EFTUD2: variants seen among roughly 807,000 people sequenced by gnomAD.
EFTUD2 encodes the protein 116 kDa U5 small nuclear ribonucleoprotein component.
EFTUD2 carries 9 observed loss-of-function variants against 114.3 expected under a neutral mutation model. The ratio of observed to expected loss-of-function variants is 0.08; its 90% CI spans 0.05 to 0.14. The LOEUF (loss-of-function observed/expected upper bound fraction) is 0.14. Among genes scored for constraint, EFTUD2 ranks in the 10% least tolerant of loss-of-function variants. The probability of loss-of-function intolerance (pLI) is 1.00; values close to 1 mark genes in which losing one functional copy is unlikely to be tolerated. For synonymous variants in EFTUD2, 449 were observed against 462.3 expected (o/e 0.97, Z 0.37); for missense variants, 765 against 1,241.2 (o/e 0.62, Z 5.76).
Position 44,857,045 on chromosome 17 carries a change from A to T in EFTUD2, c.2045+30T>A, listed in dbSNP as rs768525340. The T allele has an allele frequency of 5.0e-6, 8 of 1,584,846 alleles. No individual in the cohort carries two copies. The African/African-American group carries it at 9.4e-5, about 19-fold the overall frequency. ...GGAGAGAGAGTGTCCAGGAGGCTGC[A>T]GTCCCAGGGACACTGTGCTCCCAGC... On this transcript the variant is annotated intron_variant, in intron 20 of 27. Coordinates refer to ENST00000426333, the MANE Select transcript of EFTUD2 (RefSeq NM_004247.4).
Position 44,854,542 on chromosome 17 carries a change from C to A in EFTUD2, c.2259+14G>T. 1 of 1,610,650 alleles carries A rather than the reference C, an allele frequency of 6.2e-7. No homozygotes were observed. The highest frequency in any genetic ancestry group is 1.1e-5 in the South Asian group (1 of 90,694). On this transcript the variant is annotated intron_variant, in intron 22 of 27. Coordinates refer to ENST00000426333, the MANE Select transcript of EFTUD2 (RefSeq NM_004247.4). The surrounding 1 kb of genome is among the most constrained non-coding windows in gnomAD (Gnocchi z 4.3). ...TAAGAGACCGCCACCCAGTTCCCAT[C>A]AGTTCTGCTGTACCTCAGAGGGCAG...
intron 17 of EFTUD2, 23 bp downstream of exon 17, chr17:44,860,409 G>T: frequency 6.4e-7 from 1 of 1,564,172 alleles, no homozygotes; most frequent in Non-Finnish European, 8.8e-7. Context: ...AGCCAACCCA[G>T]TTGGTCTCTT....
chr17:44,895,351 C>T (rs2051360784), intron 1 of EFTUD2, among the ~76,000 whole-genome samples: 1 of 152,170 alleles, frequency 6.6e-6, no homozygotes, highest in East Asian at 1.9e-4. Context: ...CAAAAATTAG[C>T]TGGGTACGGT....
At chr17:44,859,460 A>G in intron 18 of EFTUD2, 2 of 536,404 alleles carry the variant, frequency 3.7e-6, no homozygotes, top group Non-Finnish European at 3.4e-6. Flanking sequence ...ACCCATGGAC[A>G]TAAGCTAGCC....
rs368215462 is a variant in EFTUD2, at chr17:44,857,125, C to T, written c.1995G>A (p.Thr665=). 6.3e-5 allele frequency: 101 copies of T among 1,613,928 alleles called. 1 individual carries two copies. Among genetic ancestry groups the T allele is most frequent in the Middle Eastern group, 1.7e-4 (1 of 6,060 alleles). Reference sequence around the variant, plus strand: ...ACTTGAGGGAGGATGTTTCCACCACCGTCTCACAAAACGTGACAACTGGGT... The same window carrying T: ...ACTTGAGGGAGGATGTTTCCACCACTGTCTCACAAAACGTGACAACTGGGT... ...VADPVVTFCE[T]VVETSSLKCF... Residue 665 remains threonine, a synonymous_variant, in exon 20 of 28, where the codon ACG becomes ACA. Transcript: ENST00000426333.
chr17:44,886,353 C>T (rs1367311751), intron 3 of EFTUD2, among the ~76,000 whole-genome samples: 2 of 152,152 alleles, frequency 1.3e-5, no homozygotes, highest in African/African-American at 2.4e-5. Flanking sequence ...AGTCTTCATG[C>T]ACCTAAACTG....
In EFTUD2 at chr17:44,850,311, TATTTC is replaced by T. The variant is rs771670954; in HGVS notation, c.*958_*962del. On this transcript the variant is annotated 3_prime_UTR_variant, in exon 28 of 28. Transcript: ENST00000426333. The stretch of plus-strand genomic sequence containing the variant: ...TGAAGGGTTTGATGCCAAGGGGCAT[TATTTC>T]TTTTCTCTCACACAGGTGCTGTGTA... 1.3e-4 allele frequency: 208 copies of T among 1,603,902 alleles called. 1 individual carries two copies. The Middle Eastern group carries it at 2.4e-3, about 18-fold the overall frequency.
chr17:44,879,700 G>A, intron 8 of EFTUD2, 62 bp from the exon 9 acceptor site: 4 of 1,544,904 alleles, frequency 2.6e-6, no homozygotes, highest in Non-Finnish European at 3.5e-6. Context: ...TTAACTGGTA[G>A]GGTGAACTGA....
intron 9 of EFTUD2, among the ~76,000 whole-genome samples, chr17:44,878,114 C>T (rs1217024589): frequency 1.3e-5 from 2 of 152,068 alleles, no homozygotes; most frequent in African/African-American, 4.8e-5. Flanking sequence ...CCAGCCTGGG[C>T]AACAGAGCAA....
At position 44,860,500 on chromosome 17, in the gene EFTUD2, G is replaced by T. The variant is rs774563676; in HGVS notation, c.1651C>A (p.Leu551Met). Residue 551 changes from leucine to methionine, a missense_variant, in exon 17 of 28, where the codon CTG becomes ATG. Leu to Met is a conservative substitution (Grantham distance 15). Coordinates refer to ENST00000426333, the MANE Select transcript of EFTUD2 (RefSeq NM_004247.4). ...VNRVPAGNWVLIEGVDQPIVK... is the reference protein window; with the variant it reads ...VNRVPAGNWVMIEGVDQPIVK... ...ATTGGTTGATCAACACCTTCAATCA[G>T]AACCCAGTTGCCAGCAGGAACACGG... 1.2e-5 allele frequency: 19 copies of T among 1,613,778 alleles called. No homozygotes were observed. The highest frequency in any genetic ancestry group is 1.6e-5 in the Non-Finnish European group (19 of 1,179,986).
chr17:44,854,434 C>A lies in EFTUD2; in HGVS notation c.2260-78G>T. ...ATTTAGAGGGAGAAGACAGATGTGC[C>A]TGTAAGGGGATACTGTCCTTCACCA... On this transcript the variant is annotated intron_variant, in intron 22 of 27. Transcript: ENST00000426333. The surrounding 1 kb of genome is among the most constrained non-coding windows in gnomAD (Gnocchi z 4.3). The A allele has an allele frequency of 6.3e-7, 1 of 1,581,124 alleles. No individual in the cohort carries two copies. The highest frequency in any genetic ancestry group is 1.1e-5 in the South Asian group (1 of 87,548).
rs16971033 is a variant in EFTUD2 at position 44,855,106 on chromosome 17, A to G, written c.2046-102T>C. On this transcript the variant is annotated intron_variant, in intron 20 of 27. Transcript: ENST00000426333. ...GACGGACAGCTGAGGAAGTGACATC[A>G]GTGAAAGCCACAGGGGCCAAGCGTG... 0.37 allele frequency: 392,212 copies of G among 1,065,500 alleles called. 74,614 individuals are homozygous for G. The highest frequency in any genetic ancestry group is 0.48 in the East Asian group (19,948 of 41,944). 66.0% of individuals were successfully genotyped at this position (1,065,500 alleles called of 1,614,324 possible).
chr17:44,868,173 TAAAAAA>T, intron 12 of EFTUD2, 108 bp downstream of exon 12: 1 of 813,452 alleles, frequency 1.2e-6, no homozygotes, highest in Non-Finnish European at 1.8e-6. Context: ...TAGTTTACAT[TAAAAAA>T]AAAAAAAAAA....
chr17:44,879,869 C>A (rs2051038722), intron 8 of EFTUD2, among the ~76,000 whole-genome samples: 1 of 151,962 alleles, frequency 6.6e-6, no homozygotes, highest in African/African-American at 2.4e-5. Context: ...GGACTCATGC[C>A]CAGGAGAGCA....
Position 44,860,056 on chromosome 17 carries a change from A to G in EFTUD2, c.1720-11T>C. 1 of 1,614,220 alleles carries G rather than the reference A, an allele frequency of 6.2e-7. No homozygotes were observed. ...TCGGAAAATCTGAGCCTGAGATCCA[A>G]AGCACAAAGGACTGAGGGCAACTGG... On this transcript the variant is annotated splice_polypyrimidine_tract_variant and intron_variant, in intron 17 of 27. Transcript: ENST00000426333.
At chr17:44,855,957 AG>A (rs1443138168) in intron 20 of EFTUD2, among the ~76,000 whole-genome samples, 1 of 138,964 alleles carries the variant, frequency 7.2e-6, no homozygotes, top group Non-Finnish European at 1.5e-5. Context: ...ATGTCTCAAA[AG>A]AAAAAAAAAA....
At chr17:44,875,207 AT>A (rs2050923970) in intron 10 of EFTUD2, among the ~76,000 whole-genome samples, 1 of 152,020 alleles carries the variant, frequency 6.6e-6, no homozygotes, top group African/African-American at 2.4e-5. Flanking sequence ...TACAAAAAAA[AT>A]ATAAATAAAT....
At chr17:44,858,425 G>A (rs2050596417) in intron 19 of EFTUD2, among the ~76,000 whole-genome samples, 1 of 151,904 alleles carries the variant, frequency 6.6e-6, no homozygotes, top group Non-Finnish European at 1.5e-5. Flanking sequence ...AGTTTTTTGA[G>A]ACAGGGTATG....
Position 44,851,118 on chromosome 17 carries a change from G to C in EFTUD2, c.*156C>G, listed in dbSNP as rs1165541134. The C allele has an allele frequency of 1.8e-5, 12 of 654,754 alleles. No individual in the cohort carries two copies. The East Asian group carries it at 3.1e-4, about 17-fold the overall frequency. The allele number at this position is 654,754 out of a possible 1,614,324, so 40.6% of individuals were successfully genotyped here. Reference sequence around the variant, plus strand: ...AGGCCAAATGCTCCTCTCTCACTGGGGCTCTGGGTTGGAGGTTGGTGAGTT... The same window carrying C: ...AGGCCAAATGCTCCTCTCTCACTGGCGCTCTGGGTTGGAGGTTGGTGAGTT... On this transcript the variant is annotated 3_prime_UTR_variant, in exon 28 of 28. Coordinates refer to ENST00000426333, the MANE Select transcript of EFTUD2 (RefSeq NM_004247.4).
Sources: allele counts gnomAD v4.1 joint callset (sites outside exome capture counted in the v4.1 genomes callset), GRCh38; gene constraint gnomAD v4.1.1; non-coding constraint Gnocchi (gnomAD v3.1); transcripts MANE v1.5; gene names NCBI Gene and HGNC (gene_info 2026-07-23, HGNC 2026-07-21).